The following CDH13 variants were observed in gnomAD, a reference collection of about 807,000 sequenced individuals.
CDH13 encodes the protein cadherin 13, also known as cadherin-13.
Under a neutral mutation model 63.8 loss-of-function variants are expected in CDH13, and 24 were observed. The ratio of observed to expected loss-of-function variants is 0.38; its 90% CI spans 0.27 to 0.53. The LOEUF (loss-of-function observed/expected upper bound fraction) is 0.53. Among genes scored for constraint, CDH13 ranks in the 20% least tolerant of loss-of-function variants. CDH13 has a pLI of 0.85. For synonymous variants in CDH13, 503 were observed against 355.3 expected, an observed-to-expected ratio of 1.42 and a Z score of -4.67; for missense variants, 1,049 against 903.1, an observed-to-expected ratio of 1.16 and a Z score of -2.07.
rs141373844 is a variant in CDH13, at chr16:82,977,605, C to T, written c.158-54405C>T. On this transcript the variant is annotated intron_variant, in intron 2 of 13. Transcript: ENST00000567109. Reference sequence around the variant, plus strand: ...ACCATGATTGTAAATTTCCTGAGAACTCCCAGACCTGCAGAACCGTGAGTC... The same window carrying T: ...ACCATGATTGTAAATTTCCTGAGAATTCCCAGACCTGCAGAACCGTGAGTC... Among the ~76,000 whole-genome samples the T allele has an allele frequency of 1.6e-3, 238 of 152,258 alleles. 2 individuals carry two copies. Among genetic ancestry groups the T allele is most frequent in the African/African-American group, 5.5e-3 (227 of 41,558 alleles).
chr16:82,690,336 A>G (rs1385430721), intron 1 of CDH13, among the ~76,000 whole-genome samples: 1 of 152,192 alleles, frequency 6.6e-6, no homozygotes, highest in Non-Finnish European at 1.5e-5. Context: ...TGCTATTTTT[A>G]AATATTTAGT....
chr16:83,339,807 G>A (rs1427273305), intron 5 of CDH13, among the ~76,000 whole-genome samples: 1 of 152,170 alleles, frequency 6.6e-6, no homozygotes, highest in Admixed American at 6.5e-5. Flanking sequence ...GTGTGAGCAG[G>A]AAACCACTAG....
At chr16:83,421,737 G>A (rs1597981810) in intron 6 of CDH13, among the ~76,000 whole-genome samples, 1 of 152,184 alleles carries the variant, frequency 6.6e-6, no homozygotes, top group African/African-American at 2.4e-5. Context: ...GTCCAGTAAG[G>A]ATGCAATTGG....
At chr16:82,798,536 G>A (rs944160209) in intron 1 of CDH13, among the ~76,000 whole-genome samples, 1 of 152,164 alleles carries the variant, frequency 6.6e-6, no homozygotes, top group Non-Finnish European at 1.5e-5. Flanking sequence ...TGATAGTAGG[G>A]TGAGCCGTAA....
intron 5 of CDH13, among the ~76,000 whole-genome samples, chr16:83,257,327 C>G (rs2151831934): frequency 6.6e-6 from 1 of 152,042 alleles, no homozygotes; most frequent in African/African-American, 2.4e-5. Context: ...TATTTTTTTT[C>G]TTTTACTAAA....
chr16:82,664,524 AC>A (rs1220216632), intron 1 of CDH13, among the ~76,000 whole-genome samples: 1 of 152,164 alleles, frequency 6.6e-6, no homozygotes, highest in Non-Finnish European at 1.5e-5. Context: ...AAAATAAGAC[AC>A]CAGTGTGCCT....
rs1917939750 is a variant in CDH13 at position 83,047,818 on chromosome 16, A to G, written c.366+15600A>G. Among the ~76,000 whole-genome samples, 1 of 152,208 alleles carries G rather than the reference A, an allele frequency of 6.6e-6. No homozygotes were observed. Reference sequence around the variant, plus strand: ...GCACCACTTTAAGTGCATTTCTTACATTAAGTCATATAATCTTTATAATAA... The same window carrying G: ...GCACCACTTTAAGTGCATTTCTTACGTTAAGTCATATAATCTTTATAATAA... On this transcript the variant is annotated intron_variant, in intron 3 of 13. Coordinates refer to ENST00000567109, the MANE Select transcript of CDH13 (RefSeq NM_001257.5). This position sits in a 1 kb window ranked among gnomAD's most constrained non-coding sequence, Gnocchi z 4.9.
intron 7 of CDH13, among the ~76,000 whole-genome samples, chr16:83,569,811 A>C (rs961577487): frequency 6.6e-6 from 1 of 152,140 alleles, no homozygotes; most frequent in Non-Finnish European, 1.5e-5. Flanking sequence ...ATCTCCGCTC[A>C]CTGCAACCTC....
rs576625430 is a variant in CDH13, at chr16:83,044,914, G to A, written c.366+12696G>A. Among the ~76,000 whole-genome samples the A allele has an allele frequency of 5.9e-5, 9 of 152,266 alleles. No homozygotes were observed. In the South Asian group the frequency reaches 1.9e-3, roughly 32 times the overall value. ...CCAGCTAGTATATAGGATAGAACAA[G>A]ATAATGTAATAAAATGTACATTTTC... is the stretch of plus-strand genomic sequence containing the variant. On this transcript the variant is annotated intron_variant, in intron 3 of 13. Coordinates refer to ENST00000567109, the MANE Select transcript of CDH13 (RefSeq NM_001257.5).
At chr16:82,663,289 C>T (rs1004446050) in intron 1 of CDH13, among the ~76,000 whole-genome samples, 3 of 152,250 alleles carry the variant, frequency 2.0e-5, no homozygotes, top group South Asian at 2.1e-4. Flanking sequence ...TAGGTTCAAG[C>T]GATTCTCTTG....
At chr16:82,662,111 T>C (rs754427465) in intron 1 of CDH13, among the ~76,000 whole-genome samples, 12 of 152,338 alleles carry the variant, frequency 7.9e-5, no homozygotes, top group Non-Finnish European at 1.2e-4. Context: ...GTCCATAGAA[T>C]GGAGTATTCT....
rs114403338 is a variant in CDH13, at chr16:83,404,279, A to G, written c.781+59273A>G. On this transcript the variant is annotated intron_variant, in intron 6 of 13. Transcript: ENST00000567109. ...ATCCTTCACTAATTTTAGGAACCAA[A>G]AAACAAATTTCCCCACTTCTCAGTA... Among the ~76,000 whole-genome samples, 543 of 152,360 alleles carry G rather than the reference A, an allele frequency of 3.6e-3. 7 individuals carry two copies. Among genetic ancestry groups the G allele is most frequent in the African/African-American group, 0.012 (519 of 41,584 alleles).
intron 10 of CDH13, among the ~76,000 whole-genome samples, chr16:83,706,784 T>C (rs1315712435): frequency 1.3e-5 from 2 of 152,220 alleles, no homozygotes; most frequent in South Asian, 4.1e-4. Flanking sequence ...TTCAGCGATC[T>C]AGGTTCCTGG....
intron 1 of CDH13, among the ~76,000 whole-genome samples, chr16:82,802,941 T>C (rs1291464159): frequency 6.6e-6 from 1 of 152,168 alleles, no homozygotes; most frequent in Non-Finnish European, 1.5e-5. Flanking sequence ...CCCACTACGG[T>C]GTCCCATTTC....
intron 5 of CDH13, among the ~76,000 whole-genome samples, chr16:83,330,487 T>C (rs1476381555): frequency 3.3e-5 from 5 of 152,186 alleles, no homozygotes; most frequent in Non-Finnish European, 7.4e-5. Context: ...TTCTTGGCAT[T>C]GTTCCGAAGG....
chr16:82,718,847 T>C (rs1253211586), intron 1 of CDH13, among the ~76,000 whole-genome samples: 1 of 152,052 alleles, frequency 6.6e-6, no homozygotes, highest in East Asian at 1.9e-4. Context: ...GAGCTACAAT[T>C]CAAGATGAAA....
chr16:82,806,652 G>C (rs1351107743), intron 1 of CDH13, among the ~76,000 whole-genome samples: 1 of 152,078 alleles, frequency 6.6e-6, no homozygotes, highest in African/African-American at 2.4e-5. Context: ...ATAATGGTGG[G>C]ATTTTTGTTG....
Position 82,842,147 on chromosome 16 carries a change from T to TATACATAC in CDH13, c.46-16212_46-16211insCATACATA, listed in dbSNP as rs1567590563. Among the ~76,000 whole-genome samples, 19 of 21,438 alleles carry TATACATAC rather than the reference T, an allele frequency of 8.9e-4. 2 individuals carry two copies. The highest frequency in any genetic ancestry group is 2.4e-3 in the South Asian group (1 of 418). 14.1% of individuals were successfully genotyped at this position (21,438 alleles called of 152,430 possible). A position where few individuals can be genotyped will look rare whatever the true frequency, so the allele number is the denominator to read the frequency against. On this transcript the variant is annotated intron_variant, in intron 1 of 13. Transcript: ENST00000567109. Reference sequence around the variant, plus strand: ...ATATATATATATATATACACATATATATATATATATATATATACACACACA... The same window carrying TATACATAC: ...ATATATATATATATATACACATATATATACATACATATATATATATATATACACACACA...
At chr16:83,323,141 A>G (rs2090268240) in intron 5 of CDH13, among the ~76,000 whole-genome samples, 2 of 131,684 alleles carry the variant, frequency 1.5e-5, no homozygotes, top group Middle Eastern at 4.5e-3. Context: ...TAGAATGAAG[A>G]CCTCCCTACT....
Sources: gnomAD v4.1 joint callset for allele counts (sites outside exome capture counted in the v4.1 genomes callset) on GRCh38, gnomAD v4.1.1 for gene constraint, Gnocchi (gnomAD v3.1) non-coding constraint, MANE v1.5 for transcripts, NCBI Gene and HGNC (gene_info 2026-07-23, HGNC 2026-07-21) for gene names.